FDFT1: variants seen among roughly 807,000 people sequenced by gnomAD.
The protein encoded by FDFT1 is squalene synthase.
Under a neutral mutation model 46.8 loss-of-function variants are expected in FDFT1, and 68 were observed. The ratio of observed to expected loss-of-function variants is 1.45; its 90% CI spans 1.19 to 1.78. FDFT1 has a LOEUF of 1.78. Ranked by LOEUF, FDFT1 falls within the 40% of genes most tolerant of loss-of-function variation. FDFT1 has a pLI of 0.00. For synonymous variants in FDFT1, 351 were observed against 185.1 expected, an observed-to-expected ratio of 1.90 and a Z score of -7.28; for missense variants, 928 against 524.4, an observed-to-expected ratio of 1.77 and a Z score of -7.52.
intron 3 of FDFT1, among the ~76,000 whole-genome samples, chr8:11,818,264 CA>C (rs1808736697): frequency 1.3e-5 from 2 of 152,100 alleles, no homozygotes; most frequent in African/African-American, 4.8e-5. Context: ...ATTTGCTGAG[CA>C]GTGTTTTTCT....
chr8:11,805,939 C>G (rs765848621), intron 1 of FDFT1, among the ~76,000 whole-genome samples: 2 of 152,180 alleles, frequency 1.3e-5, no homozygotes, highest in Non-Finnish European at 2.9e-5. Flanking sequence ...CCGCATTGTG[C>G]TTGGCATGGA....
At chr8:11,830,112 C>T (rs910185964) in intron 5 of FDFT1, 132 bp from the exon 6 acceptor site, 15 of 740,544 alleles carry the variant, frequency 2.0e-5, no homozygotes, top group Admixed American at 4.6e-5. Context: ...TCCCAAAGTG[C>T]TGGGATTACA....
intron 4 of FDFT1, among the ~76,000 whole-genome samples, chr8:11,824,065 G>A (rs543390895): frequency 1.3e-5 from 2 of 152,136 alleles, no homozygotes; most frequent in Admixed American, 1.3e-4. Context: ...GTCTTGCTTT[G>A]TTGGCCAGGC....
At chr8:11,816,689 G>C (rs10156278) in intron 3 of FDFT1, among the ~76,000 whole-genome samples, 24,455 of 152,186 alleles carry the variant, frequency 0.16, 2,156 homozygotes, top group African/African-American at 0.22. Context: ...TGGTGTATAG[G>C]AATGCTTGAG....
At chr8:11,811,346 G>C (rs1807682703) in intron 3 of FDFT1, among the ~76,000 whole-genome samples, 1 of 152,172 alleles carries the variant, frequency 6.6e-6, no homozygotes, top group African/African-American at 2.4e-5. Flanking sequence ...TATTATTCTA[G>C]CTGGACCTAG....
In FDFT1 at chr8:11,830,471, A is replaced by G. The variant is rs574173181; in HGVS notation, c.879+51A>G. 1.9e-4 allele frequency: 252 copies of G among 1,351,802 alleles called. 5 individuals are homozygous for G. The South Asian group carries it at 2.8e-3, about 15-fold the overall frequency. 83.7% of individuals were successfully genotyped at this position (1,351,802 alleles called of 1,614,324 possible). ...GATACGGGGCTAAAGGGAGTGGGGTAGGAGTAAGGGTGGATTTTGCTGTGC... is the reference window on the plus strand; with the variant it reads ...GATACGGGGCTAAAGGGAGTGGGGTGGGAGTAAGGGTGGATTTTGCTGTGC... On this transcript the variant is annotated intron_variant, in intron 6 of 7. Coordinates refer to ENST00000220584, the MANE Select transcript of FDFT1 (RefSeq NM_004462.5).
rs963674109 is a variant in FDFT1 at position 11,839,109 on chromosome 8, C to T, written c.*500C>T. ...GGTTTAGGTAACAGTTAGATGTTTC[C>T]TAAGAATGCAAACTGCCTTTTCCAC... On this transcript the variant is annotated 3_prime_UTR_variant, in exon 8 of 8. Coordinates refer to ENST00000220584, the MANE Select transcript of FDFT1 (RefSeq NM_004462.5). The T allele has an allele frequency of 3.2e-5, 5 of 155,792 alleles. No homozygotes were observed. Among genetic ancestry groups the T allele is most frequent in the African/African-American group, 1.2e-4 (5 of 41,382 alleles). The allele number at this position is 155,792 out of a possible 1,614,324, so 9.7% of individuals were successfully genotyped here.
intron 3 of FDFT1, among the ~76,000 whole-genome samples, chr8:11,811,199 C>G (rs1215617607): frequency 6.6e-6 from 1 of 152,172 alleles, no homozygotes; most frequent in Non-Finnish European, 1.5e-5. Context: ...CACAGGACAC[C>G]TGATGACCAG....
At chr8:11,807,332 AAAAACT>A (rs1178294239) in intron 1 of FDFT1, among the ~76,000 whole-genome samples, 1 of 31,168 alleles carries the variant, frequency 3.2e-5, no homozygotes, top group South Asian at 2.0e-3. Context: ...AAAATTTTTT[AAAAACT>A]TTTTTATGAA....
intron 7 of FDFT1, among the ~76,000 whole-genome samples, chr8:11,834,813 T>A (rs376409227): frequency 2.6e-5 from 4 of 152,222 alleles, no homozygotes; most frequent in East Asian, 1.9e-4. Flanking sequence ...TAGTAAACAT[T>A]TATAGGAGCC....
upstream of FDFT1, among the ~76,000 whole-genome samples, chr8:11,799,154 G>T (rs1805855712): frequency 6.6e-6 from 1 of 152,176 alleles, no homozygotes; most frequent in Non-Finnish European, 1.5e-5. Flanking sequence ...ACACCCTATA[G>T]GTCAAAAGGT....
chr8:11,820,642 C>T (rs763933942), intron 3 of FDFT1, among the ~76,000 whole-genome samples: 5 of 152,194 alleles, frequency 3.3e-5, no homozygotes, highest in Non-Finnish European at 5.9e-5. Flanking sequence ...TGGCTAGCAG[C>T]AAGCAAGGTT....
intron 2 of FDFT1, 57 bp downstream of exon 2, chr8:11,808,948 G>A (rs1389266162): frequency 3.2e-6 from 5 of 1,579,504 alleles, no homozygotes; most frequent in Non-Finnish European, 3.4e-6. Flanking sequence ...GGACCTTTGA[G>A]TGTGTTGGAA....
chr8:11,806,471 G>C (rs1160896725), intron 1 of FDFT1, among the ~76,000 whole-genome samples: 1 of 152,124 alleles, frequency 6.6e-6, no homozygotes, highest in East Asian at 1.9e-4. Context: ...GAGCAGCAGG[G>C]GTACGAGCTG....
At chr8:11,817,844 TTG>T (rs937165567) in intron 3 of FDFT1, among the ~76,000 whole-genome samples, 1 of 152,198 alleles carries the variant, frequency 6.6e-6, no homozygotes, top group African/African-American at 2.4e-5. Context: ...GAAGGGTTTT[TTG>T]TGTGTCTATC....
Position 11,831,596 on chromosome 8 carries a change from C to T in FDFT1, c.958C>T (p.Gln320Ter). 1 of 1,613,860 alleles carries T rather than the reference C, an allele frequency of 6.2e-7. No homozygotes were observed. Among genetic ancestry groups the T allele is most frequent in the Non-Finnish European group, 8.5e-7 (1 of 1,179,762 alleles). ...FKGAVKIRKG[Q>*]AVTLMMDATN... Reference sequence around the variant, plus strand: ...AGGGGCAGTGAAGATTCGGAAAGGGCAAGCAGTGACCCTGATGATGGATGC... The same window carrying T: ...AGGGGCAGTGAAGATTCGGAAAGGGTAAGCAGTGACCCTGATGATGGATGC... Residue 320 changes from glutamine to a stop codon, truncating the protein, a stop_gained, in exon 7 of 8, where the codon CAA becomes TAA. Coordinates refer to ENST00000220584, the MANE Select transcript of FDFT1 (RefSeq NM_004462.5). LOFTEE classifies it high-confidence loss of function.
intron 1 of FDFT1, among the ~76,000 whole-genome samples, chr8:11,806,697 T>C (rs776514640): frequency 6.6e-6 from 1 of 152,184 alleles, no homozygotes; most frequent in Non-Finnish European, 1.5e-5. Context: ...AGCCTGGTAA[T>C]GGTCAGGCTA....
intron 3 of FDFT1, among the ~76,000 whole-genome samples, chr8:11,812,949 C>G (rs1245340703): frequency 6.6e-6 from 1 of 152,200 alleles, no homozygotes; most frequent in African/African-American, 2.4e-5. Flanking sequence ...TAGATGATTT[C>G]ATCATTCTGT....
At chr8:11,831,365 T>C (rs1411717954) in intron 6 of FDFT1, among the ~76,000 whole-genome samples, 153 bp from the exon 7 acceptor site, 1 of 152,240 alleles carries the variant, frequency 6.6e-6, no homozygotes, top group Non-Finnish European at 1.5e-5. Context: ...CTTGACATAC[T>C]TTCTTCGTGG....
Sources: allele counts gnomAD v4.1 joint callset (sites outside exome capture counted in the v4.1 genomes callset), GRCh38; gene constraint gnomAD v4.1.1; transcripts MANE v1.5; gene names NCBI Gene and HGNC (gene_info 2026-07-23, HGNC 2026-07-21).